ATP8A2: variants seen among roughly 807,000 people sequenced by gnomAD.
ATP8A2 encodes ATPase phospholipid transporting 8A2.
In ATP8A2, 100 loss-of-function variants were observed where a neutral mutation model predicts 165.6. The ratio of observed to expected loss-of-function variants is 0.60; its 90% CI spans 0.51 to 0.71. The LOEUF is 0.71. Among genes scored for constraint, ATP8A2 ranks in the 30% least tolerant of loss-of-function variants. The probability of loss-of-function intolerance (pLI) is 0.00; values close to 1 mark genes in which losing one functional copy is unlikely to be tolerated. For missense variants in ATP8A2, 1,227 were observed against 1,479.5 expected, an observed-to-expected ratio of 0.83 and a Z score of 2.80; for synonymous variants, 543 against 548.8, an observed-to-expected ratio of 0.99 and a Z score of 0.15.
At chr13:25,865,506 G>T (rs1004695361) in intron 33 of ATP8A2, among the ~76,000 whole-genome samples, 11 of 152,138 alleles carry the variant, frequency 7.2e-5, no homozygotes, top group Admixed American at 6.5e-4. Context: ...TCTGCTGGGG[G>T]TTTCCTAAAC....
intron 15 of ATP8A2, among the ~76,000 whole-genome samples, chr13:25,562,623 G>T (rs914550841): frequency 2.6e-5 from 4 of 152,170 alleles, no homozygotes; most frequent in African/African-American, 9.7e-5. Flanking sequence ...TATAAATTTG[G>T]TTCAACTGTT....
At chr13:25,697,522 C>G (rs1416724324) in intron 24 of ATP8A2, among the ~76,000 whole-genome samples, 1 of 152,174 alleles carries the variant, frequency 6.6e-6, no homozygotes, top group Non-Finnish European at 1.5e-5. Context: ...CTCAAGTGAT[C>G]CACCTGCCTC....
chr13:25,963,406 A>AAGAAAAG (rs373117649), intron 34 of ATP8A2, among the ~76,000 whole-genome samples: 8 of 136,030 alleles, frequency 5.9e-5, no homozygotes, highest in East Asian at 2.2e-4. Flanking sequence ...AAAAAAAAAA[A>AAGAAAAG]AAAAGAAAAG....
chr13:25,973,240 C>A (rs1011890609), intron 35 of ATP8A2, among the ~76,000 whole-genome samples: 1 of 152,178 alleles, frequency 6.6e-6, no homozygotes, highest in South Asian at 2.1e-4. Context: ...AACCTTCTGG[C>A]GAGCCGTCGC....
At chr13:25,657,539 G>A (rs755007896) in intron 24 of ATP8A2, among the ~76,000 whole-genome samples, 1 of 152,158 alleles carries the variant, frequency 6.6e-6, no homozygotes, top group Non-Finnish European at 1.5e-5. Flanking sequence ...CAGTGTTCCA[G>A]AACTCCTGAT....
At chr13:25,497,240 A>T (rs1421939692) in intron 2 of ATP8A2, among the ~76,000 whole-genome samples, 2 of 152,224 alleles carry the variant, frequency 1.3e-5, no homozygotes, top group East Asian at 1.9e-4. Flanking sequence ...TCGTGAAAGG[A>T]GCTATTATTT....
At chr13:25,673,907 T>C (rs1444043317) in intron 24 of ATP8A2, among the ~76,000 whole-genome samples, 1 of 152,156 alleles carries the variant, frequency 6.6e-6, no homozygotes, top group Non-Finnish European at 1.5e-5. Flanking sequence ...TACAAAAATT[T>C]GGTGAAAATT....
Position 25,538,025 on chromosome 13 carries a change from A to C in ATP8A2, c.545A>C (p.Gln182Pro). 6.2e-7 allele frequency: 1 copy of C among 1,614,028 alleles called. No individual in the cohort carries two copies. Among genetic ancestry groups the C allele is most frequent in the Non-Finnish European group, 8.5e-7 (1 of 1,179,916 alleles). The change falls in exon 7 of 37, where the codon CAG (glutamine) becomes CCG (proline). Residue 182 changes from glutamine to proline, a missense_variant. Physicochemically the swap from Gln to Pro is moderately conservative, Grantham distance 76. This residue lies in a region of ATP8A2 where 356 missense variants were observed against 394.9 expected (regional missense o/e 0.90). Coordinates refer to ENST00000381655, the MANE Select transcript of ATP8A2 (RefSeq NM_016529.6). ...GACATTGTGAAGGTCGTCAATGGGC[A>C]GTATCTTCCAGCAGATGTGGTCCTG... ...VGDIVKVVNG[Q>P]YLPADVVLLS...
rs1039932491 is a variant in ATP8A2, at chr13:25,881,722, C to T, written c.3183+19314C>T. On this transcript the variant is annotated intron_variant, in intron 33 of 36. Transcript: ENST00000381655. The stretch of plus-strand genomic sequence containing the variant: ...TTAGGGACATTGCTTGCTCTATTCA[C>T]TGCAGGTGTTTCCCTCAGTAACCCC... Among the ~76,000 whole-genome samples the T allele has an allele frequency of 7.9e-5, 12 of 152,180 alleles. No individual in the cohort carries two copies. The East Asian group carries it at 1.4e-3, about 17-fold the overall frequency.
chr13:25,992,161 A>G (rs986512785), intron 35 of ATP8A2, among the ~76,000 whole-genome samples: 2 of 150,852 alleles, frequency 1.3e-5, no homozygotes, highest in Non-Finnish European at 2.9e-5. Flanking sequence ...TTACATTTTC[A>G]TCATGATGCA....
chr13:25,992,501 G>A (rs1772374077), intron 35 of ATP8A2, among the ~76,000 whole-genome samples: 1 of 151,938 alleles, frequency 6.6e-6, no homozygotes, highest in South Asian at 2.1e-4. Context: ...CTCCCATTCT[G>A]TACCATGTTC....
intron 33 of ATP8A2, among the ~76,000 whole-genome samples, chr13:25,931,315 C>T (rs527555657): frequency 9.2e-5 from 14 of 152,308 alleles, no homozygotes; most frequent in African/African-American, 3.4e-4. Flanking sequence ...GTCCTATCTC[C>T]AGGATACCTC....
At chr13:25,537,028 A>AT (rs2038308111) in intron 6 of ATP8A2, among the ~76,000 whole-genome samples, 1 of 152,216 alleles carries the variant, frequency 6.6e-6, no homozygotes, top group Admixed American at 6.5e-5. Context: ...GGCTTGCCTG[A>AT]TTTGAAAGCC....
At chr13:25,384,217 A>AT (rs1478051068) in intron 1 of ATP8A2, among the ~76,000 whole-genome samples, 3 of 151,978 alleles carry the variant, frequency 2.0e-5, no homozygotes, top group Non-Finnish European at 4.4e-5. Flanking sequence ...CAGCTTAGCT[A>AT]TTTTTTTAGT....
chr13:25,393,603 A>T (rs1350048111), intron 1 of ATP8A2, among the ~76,000 whole-genome samples: 1 of 152,012 alleles, frequency 6.6e-6, no homozygotes, highest in African/African-American at 2.4e-5. Flanking sequence ...TTTAGTAGAG[A>T]TGGGGTTTCA....
Position 25,750,477 on chromosome 13 carries a change from G to A in ATP8A2, c.2385-18569G>A, listed in dbSNP as rs991477525. ...CCTCCCTCCCCACAGCTATCCCCCC[G>A]ATTCTGACTCCCACCTGCTTCCATG... On this transcript the variant is annotated intron_variant, in intron 25 of 36. Transcript: ENST00000381655. This position sits in a 1 kb window ranked among gnomAD's most constrained non-coding sequence, Gnocchi z 4.3. Among the ~76,000 whole-genome samples, 3 of 151,428 alleles carry A rather than the reference G, an allele frequency of 2.0e-5. No individual in the cohort carries two copies. The highest frequency in any genetic ancestry group is 4.9e-5 in the African/African-American group (2 of 41,156).
intron 15 of ATP8A2, 48 bp downstream of exon 15, chr13:25,559,813 G>GAATAATA: frequency 7.4e-7 from 1 of 1,359,594 alleles, no homozygotes; most frequent in Non-Finnish European, 1.1e-6. Flanking sequence ...AAAGCTTTTG[G>GAATAATA]AATAATTATT....
At chr13:25,459,041 A>C (rs1007172231) in intron 1 of ATP8A2, among the ~76,000 whole-genome samples, 2 of 152,222 alleles carry the variant, frequency 1.3e-5, no homozygotes, top group Non-Finnish European at 2.9e-5. Flanking sequence ...CAAGGGGACC[A>C]GGGATGTCAT....
At chr13:25,943,131 G>A (rs529748453) in intron 33 of ATP8A2, among the ~76,000 whole-genome samples, 2 of 152,230 alleles carry the variant, frequency 1.3e-5, no homozygotes, top group Admixed American at 1.3e-4. Context: ...GGGAGCATCT[G>A]AGATGGTCCA....
Sources: gnomAD v4.1 joint callset for allele counts (sites outside exome capture counted in the v4.1 genomes callset) on GRCh38, gnomAD v4.1.1 for gene constraint, gnomAD v4.1.1 regional missense constraint, Gnocchi (gnomAD v3.1) non-coding constraint, MANE v1.5 for transcripts, NCBI Gene and HGNC (gene_info 2026-07-23, HGNC 2026-07-21) for gene names.